Variants in SLC35F1 observed in about 807,000 individuals in gnomAD.
SLC35F1 encodes the protein chromosome 6 open reading frame 169.
SLC35F1 carries 14 observed loss-of-function variants against 48.7 expected under a neutral mutation model. The ratio of observed to expected loss-of-function variants is 0.29; its 90% CI spans 0.19 to 0.45. The LOEUF (loss-of-function observed/expected upper bound fraction) is 0.45. Ranked by LOEUF, SLC35F1 falls within the 20% of genes least tolerant of loss-of-function variation. The pLI, the probability that SLC35F1 is intolerant of heterozygous loss-of-function variation, is 1.00. For missense variants in SLC35F1, 404 were observed against 500.0 expected (o/e 0.81, Z 1.83); for synonymous variants, 190 against 202.2 (o/e 0.94, Z 0.51).
intron 1 of SLC35F1, among the ~76,000 whole-genome samples, chr6:118,039,522 G>A (rs1402068701): frequency 2.0e-5 from 3 of 151,616 alleles, no homozygotes; most frequent in Non-Finnish European, 2.9e-5. Flanking sequence ...TCTGAGGTTT[G>A]TTCATTCTTT....
chr6:117,931,561 CTT>C (rs1173336282), intron 1 of SLC35F1, among the ~76,000 whole-genome samples: 1 of 152,312 alleles, frequency 6.6e-6, no homozygotes, highest in East Asian at 1.9e-4. Context: ...ATTTGATAAT[CTT>C]TACATTCCAA....
At chr6:118,188,648 A>G (rs1774693160) in intron 2 of SLC35F1, among the ~76,000 whole-genome samples, 1 of 152,188 alleles carries the variant, frequency 6.6e-6, no homozygotes, top group Non-Finnish European at 1.5e-5. Context: ...TTAAAGAAAA[A>G]GAAAAACAAG....
chr6:118,239,943 A>G (rs931447786), intron 3 of SLC35F1, among the ~76,000 whole-genome samples: 4 of 152,216 alleles, frequency 2.6e-5, no homozygotes, highest in Non-Finnish European at 5.9e-5. Flanking sequence ...AGCCATGTTT[A>G]TAGTGCTGTT....
At chr6:118,184,317 T>C (rs1388369635) in intron 2 of SLC35F1, among the ~76,000 whole-genome samples, 1 of 152,202 alleles carries the variant, frequency 6.6e-6, no homozygotes, top group African/African-American at 2.4e-5. Flanking sequence ...CTCTACCATA[T>C]GTGGAGCAGA....
At chr6:118,188,343 C>T (rs1774687479) in intron 2 of SLC35F1, among the ~76,000 whole-genome samples, 2 of 152,052 alleles carry the variant, frequency 1.3e-5, no homozygotes, top group African/African-American at 2.4e-5. Context: ...CGAAGACAGG[C>T]GTTCGAGACA....
intron 2 of SLC35F1, among the ~76,000 whole-genome samples, chr6:118,179,478 G>T (rs947203975): frequency 6.6e-6 from 1 of 152,204 alleles, no homozygotes; most frequent in South Asian, 2.1e-4. Context: ...TCAGCAGATT[G>T]GAACACTTGC....
At chr6:118,029,471 C>T (rs1361745287) in intron 1 of SLC35F1, among the ~76,000 whole-genome samples, 1 of 152,166 alleles carries the variant, frequency 6.6e-6, no homozygotes, top group African/African-American at 2.4e-5. Flanking sequence ...TAATCTCTTA[C>T]TGTGCCTGAT....
chr6:118,013,395 A>G (rs1777277399), intron 1 of SLC35F1, among the ~76,000 whole-genome samples: 1 of 152,230 alleles, frequency 6.6e-6, no homozygotes, highest in Non-Finnish European at 1.5e-5. Context: ...ATTTCTATTT[A>G]GTCTGAATTT....
chr6:118,163,485 C>G (rs969636717), intron 2 of SLC35F1, among the ~76,000 whole-genome samples: 1 of 151,826 alleles, frequency 6.6e-6, no homozygotes, highest in East Asian at 1.9e-4. Context: ...TTCCCCCATG[C>G]CAAATACTTT....
At chr6:118,140,369 CGTT>C (rs1439765786) in intron 1 of SLC35F1, among the ~76,000 whole-genome samples, 2 of 152,172 alleles carry the variant, frequency 1.3e-5, no homozygotes, top group African/African-American at 4.8e-5. Context: ...CACCTAGAGA[CGTT>C]GTAGACTTCA....
At chr6:118,130,149 T>C (rs1237355601) in intron 1 of SLC35F1, among the ~76,000 whole-genome samples, 1 of 152,226 alleles carries the variant, frequency 6.6e-6, no homozygotes, top group Non-Finnish European at 1.5e-5. Context: ...CTTGAACTGT[T>C]TCCACAACTG....
At chr6:118,091,127 A>T (rs1433101852) in intron 1 of SLC35F1, among the ~76,000 whole-genome samples, 2 of 152,218 alleles carry the variant, frequency 1.3e-5, no homozygotes, top group Non-Finnish European at 2.9e-5. Flanking sequence ...TTAGATGAAG[A>T]ACATGTTTGG....
At chr6:118,041,415 C>T (rs1206252248) in intron 1 of SLC35F1, among the ~76,000 whole-genome samples, 1 of 152,106 alleles carries the variant, frequency 6.6e-6, no homozygotes, top group Non-Finnish European at 1.5e-5. Context: ...GCCTGTCAAC[C>T]CTGATGGCCA....
At chr6:117,911,844 C>T (rs1775768221) in intron 1 of SLC35F1, among the ~76,000 whole-genome samples, 1 of 152,124 alleles carries the variant, frequency 6.6e-6, no homozygotes, top group African/African-American at 2.4e-5. Flanking sequence ...GTTGATGACC[C>T]TCTCAAAGAA....
intron 1 of SLC35F1, among the ~76,000 whole-genome samples, chr6:117,929,469 G>GTGTC (rs1414149397): frequency 1.3e-5 from 2 of 151,562 alleles, no homozygotes; most frequent in African/African-American, 2.4e-5. Context: ...GTGTGTGTGT[G>GTGTC]TGTGTGTGTG....
chr6:118,220,319 G>A (rs1775130951), intron 2 of SLC35F1, among the ~76,000 whole-genome samples: 1 of 152,098 alleles, frequency 6.6e-6, no homozygotes, highest in South Asian at 2.1e-4. Context: ...AAATTTCCCT[G>A]AGAAGGCAGG....
intron 1 of SLC35F1, among the ~76,000 whole-genome samples, chr6:118,141,416 A>C (rs1043709131): frequency 5.9e-5 from 9 of 152,212 alleles, no homozygotes; most frequent in Admixed American, 5.2e-4. Flanking sequence ...CACAATTATT[A>C]AAATCACTTG....
chr6:118,277,593 T>C, intron 6 of SLC35F1, 47 bp downstream of exon 6: 8 of 1,558,932 alleles, frequency 5.1e-6, no homozygotes, highest in Non-Finnish European at 7.1e-6. Flanking sequence ...ACCTGAGAAA[T>C]GTGTTTGAAG....
At chr6:118,159,587 G>A (rs1181745969) in intron 2 of SLC35F1, among the ~76,000 whole-genome samples, 4 of 152,076 alleles carry the variant, frequency 2.6e-5, no homozygotes, top group African/African-American at 4.8e-5. Context: ...AAAATTCCAC[G>A]TAATTACAGC....
Sources: gnomAD v4.1 joint callset for allele counts (sites outside exome capture counted in the v4.1 genomes callset) on GRCh38, gnomAD v4.1.1 for gene constraint, MANE v1.5 for transcripts, NCBI Gene and HGNC (gene_info 2026-07-23, HGNC 2026-07-21) for gene names.